Variants in SLC25A13 observed in about 807,000 individuals in gnomAD.
SLC25A13 encodes the protein solute carrier family 25 member 13.
In SLC25A13, 70 loss-of-function variants were observed where a neutral mutation model predicts 85.5. The ratio of observed to expected loss-of-function variants is 0.82; its 90% CI spans 0.68 to 1.00. SLC25A13 has a LOEUF of 1.00. SLC25A13 is among the 50% of genes least tolerant of loss of function. The probability of loss-of-function intolerance (pLI) is 0.00; values close to 1 mark genes in which losing one functional copy is unlikely to be tolerated. For synonymous variants in SLC25A13, 259 were observed against 288.7 expected (o/e 0.90, Z 1.04); for missense variants, 765 against 819.8 (o/e 0.93, Z 0.82).
intron 2 of SLC25A13, among the ~76,000 whole-genome samples, chr7:96,292,585 A>G (rs1799170663): frequency 1.3e-5 from 2 of 152,250 alleles, no homozygotes; most frequent in South Asian, 4.1e-4. Flanking sequence ...GCAAAGTCTC[A>G]GGATACAAAA....
chr7:96,139,178 T>C (rs1792418071), intron 14 of SLC25A13, among the ~76,000 whole-genome samples: 1 of 152,174 alleles, frequency 6.6e-6, no homozygotes, highest in Non-Finnish European at 1.5e-5. Context: ...TTATCCTCTT[T>C]CTACACACGA....
At chr7:96,129,803 C>T (rs1002654085) in intron 15 of SLC25A13, among the ~76,000 whole-genome samples, 2 of 152,122 alleles carry the variant, frequency 1.3e-5, no homozygotes, top group African/African-American at 2.4e-5. Context: ...GGTGGAAACA[C>T]TGGAATTTGA....
intron 9 of SLC25A13, among the ~76,000 whole-genome samples, chr7:96,185,415 T>G (rs1486571452): frequency 6.6e-6 from 1 of 150,406 alleles, no homozygotes; most frequent in African/African-American, 2.5e-5. Flanking sequence ...CTGGATAACA[T>G]GGTGAAAGCC....
chr7:96,158,085 C>G (rs1222607091), intron 13 of SLC25A13, among the ~76,000 whole-genome samples: 1 of 152,180 alleles, frequency 6.6e-6, no homozygotes, highest in Non-Finnish European at 1.5e-5. Flanking sequence ...GATAAGGGTT[C>G]AGGAGCTCCA....
intron 15 of SLC25A13, among the ~76,000 whole-genome samples, chr7:96,129,632 CA>C (rs1289992033): frequency 2.6e-5 from 4 of 152,164 alleles, no homozygotes; most frequent in Non-Finnish European, 4.4e-5. Flanking sequence ...TATTATGGAA[CA>C]TTTTTGAATA....
chr7:96,207,840 A>G (rs1795517067), intron 5 of SLC25A13, among the ~76,000 whole-genome samples: 2 of 152,078 alleles, frequency 1.3e-5, no homozygotes, highest in South Asian at 4.2e-4. Flanking sequence ...TGGGTTAGGG[A>G]AAGTGCACCC....
At chr7:96,281,896 G>C (rs541420682) in intron 2 of SLC25A13, among the ~76,000 whole-genome samples, 2 of 152,274 alleles carry the variant, frequency 1.3e-5, no homozygotes, top group East Asian at 1.9e-4. Flanking sequence ...GTCAAAGGTT[G>C]CTCCTTAGGA....
chr7:96,243,532 T>TA (rs941609011), intron 3 of SLC25A13, among the ~76,000 whole-genome samples: 1 of 152,148 alleles, frequency 6.6e-6, no homozygotes, highest in African/African-American at 2.4e-5. Context: ...TAGAGGGGCC[T>TA]AAACACTCAT....
intron 3 of SLC25A13, among the ~76,000 whole-genome samples, chr7:96,236,508 A>C (rs1169190667): frequency 5.3e-5 from 8 of 152,358 alleles, no homozygotes; most frequent in Non-Finnish European, 1.0e-4. Context: ...TCTGCCTGGA[A>C]GAGTTGGGGA....
chr7:96,298,438 T>C (rs1799430214), intron 1 of SLC25A13, among the ~76,000 whole-genome samples: 1 of 152,138 alleles, frequency 6.6e-6, no homozygotes, highest in Non-Finnish European at 1.5e-5. Context: ...GTAATACTTT[T>C]TTTTTTTTCT....
intron 5 of SLC25A13, among the ~76,000 whole-genome samples, chr7:96,193,849 C>A (rs962897684): frequency 1.4e-4 from 22 of 152,214 alleles, no homozygotes; most frequent in African/African-American, 4.8e-4. Flanking sequence ...TTAAGGACTA[C>A]TGCTCTAAGT....
At chr7:96,219,824 T>C (rs1213058954) in intron 4 of SLC25A13, 19 of 484,150 alleles carry the variant, frequency 3.9e-5, no homozygotes, top group South Asian at 2.1e-4. Flanking sequence ...TAAGTCATCA[T>C]AGTGACTGTG....
At position 96,132,477 on chromosome 7, in the gene SLC25A13, T is replaced by C. The variant is rs182260655; in HGVS notation, c.1453-596A>G. Among the ~76,000 whole-genome samples, 316 of 152,326 alleles carry C rather than the reference T, an allele frequency of 2.1e-3. 2 individuals carry two copies. The highest frequency in any genetic ancestry group is 7.2e-3 in the African/African-American group (300 of 41,574). On this transcript the variant is annotated intron_variant, in intron 14 of 17. Transcript: ENST00000265631. ...ATGAAACATTGATAAATGCCTGCTC[T>C]AAAGCCTGAAATATTCACAATAATT...
intron 7 of SLC25A13, 58 bp from the exon 8 acceptor site, chr7:96,189,732 G>T: frequency 1.4e-6 from 2 of 1,395,864 alleles, no homozygotes; most frequent in Non-Finnish European, 2.0e-6. Flanking sequence ...ACTAAATTCA[G>T]CATTAACTCA....
chr7:96,301,563 T>C (rs943595944), intron 1 of SLC25A13, among the ~76,000 whole-genome samples: 4 of 152,102 alleles, frequency 2.6e-5, no homozygotes, highest in African/African-American at 9.7e-5. Flanking sequence ...ATAAAGAATT[T>C]TGTTGAAATT....
intron 4 of SLC25A13, among the ~76,000 whole-genome samples, chr7:96,209,413 CAAG>C (rs1795605062): frequency 1.3e-5 from 2 of 149,604 alleles, no homozygotes; most frequent in African/African-American, 5.0e-5. Context: ...TAGCCTTTAA[CAAG>C]TTATTTAAAA....
intron 2 of SLC25A13, among the ~76,000 whole-genome samples, chr7:96,282,928 A>T (rs2116956350): frequency 6.6e-6 from 1 of 152,332 alleles, no homozygotes; most frequent in Non-Finnish European, 1.5e-5. Flanking sequence ...ATTGGCATAA[A>T]GTCTTTTTTG....
chr7:96,245,045 C>T (rs371144945), intron 3 of SLC25A13, among the ~76,000 whole-genome samples: 4 of 152,084 alleles, frequency 2.6e-5, no homozygotes, highest in Non-Finnish European at 5.9e-5. Flanking sequence ...GGCAGCCCAT[C>T]GCCTTGCAGC....
chr7:96,264,245 T>C (rs938535866), intron 3 of SLC25A13, among the ~76,000 whole-genome samples: 6 of 152,180 alleles, frequency 3.9e-5, no homozygotes, highest in Non-Finnish European at 7.3e-5. Context: ...TTAAATTTCA[T>C]GACCACTAAT....
Sources: allele counts gnomAD v4.1 joint callset (sites outside exome capture counted in the v4.1 genomes callset), GRCh38; gene constraint gnomAD v4.1.1; transcripts MANE v1.5; gene names NCBI Gene and HGNC (gene_info 2026-07-23, HGNC 2026-07-21).